The following WWOX variants were observed in gnomAD, a reference collection of about 807,000 sequenced individuals.
WWOX encodes WW domain-containing oxidoreductase.
Under a neutral mutation model 46.2 loss-of-function variants are expected in WWOX, and 69 were observed. That is an observed-to-expected ratio of 1.49 (90% CI 1.23 to 1.82). The LOEUF is 1.82. WWOX is among the 40% of genes most tolerant of loss of function. The pLI is 0.00. For missense variants in WWOX, 919 were observed against 542.6 expected (o/e 1.69, Z -6.89); for synonymous variants, 359 against 202.6 (o/e 1.77, Z -6.56).
At chr16:78,932,865 C>G (rs577806185) in intron 8 of WWOX, among the ~76,000 whole-genome samples, 1 of 152,188 alleles carries the variant, frequency 6.6e-6, no homozygotes, top group Non-Finnish European at 1.5e-5. Flanking sequence ...TGGCCCAGCA[C>G]CCTTGTCTGG....
chr16:78,827,776 G>A (rs768852390), intron 8 of WWOX, among the ~76,000 whole-genome samples: 64 of 152,272 alleles, frequency 4.2e-4, no homozygotes, highest in Non-Finnish European at 7.5e-4. Context: ...GGGAGGCAGC[G>A]GTTGCAGTGA....
intron 8 of WWOX, among the ~76,000 whole-genome samples, chr16:78,779,299 C>A (rs2050268111): frequency 6.6e-6 from 1 of 152,088 alleles, no homozygotes; most frequent in African/African-American, 2.4e-5. Context: ...TGCATGCCAC[C>A]ACACCTGGCT....
At chr16:78,817,169 A>ATTCTT (rs2051353374) in intron 8 of WWOX, among the ~76,000 whole-genome samples, 1 of 26,586 alleles carries the variant, frequency 3.8e-5, no homozygotes, top group South Asian at 1.0e-3. Context: ...CATTAGTGCT[A>ATTCTT]TTCTTTTTTT....
intron 5 of WWOX, among the ~76,000 whole-genome samples, chr16:78,225,375 CTA>C (rs2037016937): frequency 6.6e-6 from 1 of 152,128 alleles, no homozygotes; most frequent in African/African-American, 2.4e-5. Context: ...AGGTGTATGA[CTA>C]TGTTTTCTCA....
chr16:78,806,013 A>T (rs1052655789), intron 8 of WWOX, among the ~76,000 whole-genome samples: 1 of 152,228 alleles, frequency 6.6e-6, no homozygotes, highest in East Asian at 1.9e-4. Flanking sequence ...TTTCAAAGCC[A>T]AATAATGAAT....
rs756646413 is a variant in WWOX, at chr16:78,132,526, C to T, written c.409+17372C>T. On this transcript the variant is annotated intron_variant, in intron 4 of 8. Transcript: ENST00000566780. ...TGCTTGCCTTTTGTTAATACGTATGCGGCCATGTGATGATTTTTTAAAAGG... is the reference window on the plus strand; with the variant it reads ...TGCTTGCCTTTTGTTAATACGTATGTGGCCATGTGATGATTTTTTAAAAGG... 5.1e-4 allele frequency among the ~76,000 whole-genome samples: 77 copies of T among 152,108 alleles called. 1 individual carries two copies. The highest frequency in any genetic ancestry group is 1.5e-3 in the African/African-American group (64 of 41,414).
intron 8 of WWOX, among the ~76,000 whole-genome samples, chr16:78,515,638 T>C (rs954038238): frequency 6.6e-6 from 1 of 152,166 alleles, no homozygotes; most frequent in Non-Finnish European, 1.5e-5. Context: ...GATGGAAAGC[T>C]TCCGTCAGCT....
chr16:78,478,850 G>C lies in WWOX; in HGVS notation c.1056+46098G>C, dbSNP rs547644921. ...TTTATTTTTTCTCTCCCCTTTCCTTGGACAAGCCCTTTCTGAATAAGCTGA... is the reference window on the plus strand; with the variant it reads ...TTTATTTTTTCTCTCCCCTTTCCTTCGACAAGCCCTTTCTGAATAAGCTGA... On this transcript the variant is annotated intron_variant, in intron 8 of 8. Transcript: ENST00000566780. Among the ~76,000 whole-genome samples, 503 of 151,972 alleles carry C rather than the reference G, an allele frequency of 3.3e-3. 3 individuals carry two copies. Among genetic ancestry groups the C allele is most frequent in the Non-Finnish European group, 6.2e-3 (420 of 67,956 alleles).
chr16:78,548,906 A>G (rs72803945), intron 8 of WWOX, among the ~76,000 whole-genome samples: 1 of 152,298 alleles, frequency 6.6e-6, no homozygotes, highest in Non-Finnish European at 1.5e-5. Flanking sequence ...TAGTTTTTGT[A>G]AAGAAGGTTT....
At chr16:78,658,273 G>C (rs1016776152) in intron 8 of WWOX, among the ~76,000 whole-genome samples, 1 of 152,154 alleles carries the variant, frequency 6.6e-6, no homozygotes. Flanking sequence ...TAATAGCAAA[G>C]TAATGAACAA....
chr16:78,753,848 AT>A (rs1567537575), intron 8 of WWOX, among the ~76,000 whole-genome samples: 11 of 104,544 alleles, frequency 1.1e-4, no homozygotes, highest in African/African-American at 4.8e-4. Flanking sequence ...ATATATATAT[AT>A]ATATATGTAT....
At chr16:78,410,799 C>T (rs553964144) in intron 6 of WWOX, among the ~76,000 whole-genome samples, 18 of 135,750 alleles carry the variant, frequency 1.3e-4, no homozygotes, top group Non-Finnish European at 2.1e-4. Context: ...GAGCAAGGCC[C>T]CACCTCAAAA....
At chr16:78,227,117 G>A (rs1052320280) in intron 5 of WWOX, among the ~76,000 whole-genome samples, 16 of 152,174 alleles carry the variant, frequency 1.1e-4, no homozygotes, top group South Asian at 6.2e-4. Flanking sequence ...ACAGCCACGC[G>A]GGCTCGCAAT....
chr16:78,660,034 G>A (rs780279146), intron 8 of WWOX, among the ~76,000 whole-genome samples: 1 of 152,110 alleles, frequency 6.6e-6, no homozygotes, highest in Non-Finnish European at 1.5e-5. Context: ...TTACCTCAAA[G>A]CAAACACATC....
intron 8 of WWOX, among the ~76,000 whole-genome samples, chr16:78,440,320 T>G (rs8060177): frequency 0.052 from 7,964 of 152,224 alleles, 661 homozygotes; most frequent in African/African-American, 0.18. Flanking sequence ...TCCATGCTCT[T>G]TCTTTCCTTA....
At chr16:78,319,826 G>T (rs2080429184) in intron 5 of WWOX, among the ~76,000 whole-genome samples, 1 of 152,114 alleles carries the variant, frequency 6.6e-6, no homozygotes, top group Non-Finnish European at 1.5e-5. Context: ...CTTTCAGCCT[G>T]TGAGGAAGCA....
At chr16:78,289,746 T>C (rs2079829432) in intron 5 of WWOX, among the ~76,000 whole-genome samples, 1 of 152,244 alleles carries the variant, frequency 6.6e-6, no homozygotes, top group Admixed American at 6.5e-5. Flanking sequence ...AGTCTTGTTT[T>C]CTTTTATACT....
At chr16:78,889,826 C>T (rs2044549235) in intron 8 of WWOX, among the ~76,000 whole-genome samples, 1 of 152,176 alleles carries the variant, frequency 6.6e-6, no homozygotes, top group African/African-American at 2.4e-5. Context: ...TCCTCATCTT[C>T]AGAACAAGGG....
At chr16:79,171,607 G>C in intron 8 of WWOX, among the ~76,000 whole-genome samples, 1 of 152,186 alleles carries the variant, frequency 6.6e-6, no homozygotes, top group East Asian at 1.9e-4. Context: ...TGCTCTTCAA[G>C]AGTATCTCAG....
Sources: gnomAD v4.1 joint callset for allele counts (sites outside exome capture counted in the v4.1 genomes callset) on GRCh38, gnomAD v4.1.1 for gene constraint, MANE v1.5 for transcripts, NCBI Gene and HGNC (gene_info 2026-07-23, HGNC 2026-07-21) for gene names.